DYNC1LI2: variants seen among roughly 807,000 people sequenced by gnomAD.
DYNC1LI2 encodes the protein dynein cytoplasmic 1 light intermediate chain 2.
DYNC1LI2 carries 19 observed loss-of-function variants against 57.8 expected under a neutral mutation model. The observed-to-expected ratio is 0.33, with a 90% CI of 0.23 to 0.48. The LOEUF is 0.48. Among genes scored for constraint, DYNC1LI2 ranks in the 20% least tolerant of loss-of-function variants. DYNC1LI2 has a pLI of 0.99. For synonymous variants in DYNC1LI2, 256 were observed against 233.4 expected, an observed-to-expected ratio of 1.10 and a Z score of -0.88; for missense variants, 470 against 604.2, an observed-to-expected ratio of 0.78 and a Z score of 2.33.
At chr16:66,728,009 C>T (rs1188949708) in intron 10 of DYNC1LI2, 192 bp downstream of exon 10, 5 of 899,630 alleles carry the variant, frequency 5.6e-6, no homozygotes, top group Non-Finnish European at 6.6e-6. Flanking sequence ...ACTCTAATTC[C>T]CAGAGTTGTA....
intron 3 of DYNC1LI2, among the ~76,000 whole-genome samples, chr16:66,742,951 G>A (rs2017866356): frequency 6.6e-6 from 1 of 152,072 alleles, no homozygotes; most frequent in South Asian, 2.1e-4. Context: ...TTGAGGTCAG[G>A]GGTTCAAGAC....
chr16:66,734,194 C>T, intron 6 of DYNC1LI2, 24 bp downstream of exon 6: 1 of 1,611,512 alleles, frequency 6.2e-7, no homozygotes, highest in Non-Finnish European at 8.5e-7. Context: ...GTGACCCAGG[C>T]CCCACACAGC....
At position 66,723,120 on chromosome 16, in the gene DYNC1LI2, G is replaced by T; in HGVS notation, c.*602C>A. The T allele has an allele frequency of 2.9e-6, 1 of 345,682 alleles. No individual in the cohort carries two copies. Among genetic ancestry groups the T allele is most frequent in the Non-Finnish European group, 5.8e-6 (1 of 173,364 alleles). 21.4% of individuals were successfully genotyped at this position (345,682 alleles called of 1,614,324 possible). On this transcript the variant is annotated 3_prime_UTR_variant, in exon 13 of 13. Transcript: ENST00000258198. ...TAAGTTAAAGATGCATTCAAAATAA[G>T]CCTAATTCCCATTTTGCTTAGTGTT...
intron 8 of DYNC1LI2, 121 bp downstream of exon 8, chr16:66,729,991 G>A (rs1172151875): frequency 7.1e-6 from 5 of 707,948 alleles, no homozygotes; most frequent in South Asian, 2.0e-5. Flanking sequence ...ATGTTCGCCA[G>A]GCTGGTCTCA....
intron 6 of DYNC1LI2, chr16:66,733,185 T>C (rs1466121984): frequency 6.6e-6 from 1 of 152,234 alleles, no homozygotes; most frequent in Non-Finnish European, 1.5e-5. Context: ...TAAAAATATT[T>C]CTAAGACAGT....
chr16:66,743,585 G>A (rs1401870499), intron 3 of DYNC1LI2, among the ~76,000 whole-genome samples: 2 of 145,910 alleles, frequency 1.4e-5, no homozygotes, highest in Non-Finnish European at 3.0e-5. Context: ...AAAAAAAAGG[G>A]TGAGAGTCTC....
intron 2 of DYNC1LI2, among the ~76,000 whole-genome samples, chr16:66,749,925 C>G (rs1049883221): frequency 6.6e-6 from 1 of 152,160 alleles, no homozygotes; most frequent in Non-Finnish European, 1.5e-5. Flanking sequence ...CCAAACAACA[C>G]CCCCCTTCCC....
chr16:66,732,266 G>T (rs1168243255), intron 7 of DYNC1LI2, 73 bp downstream of exon 7: 6 of 1,556,932 alleles, frequency 3.9e-6, no homozygotes, highest in African/African-American at 2.7e-5. Context: ...CACCTTCCTT[G>T]AAGGGGTAAA....
In DYNC1LI2 at chr16:66,730,149, G is replaced by A; in HGVS notation, c.1004C>T (p.Ala335Val). The A allele has an allele frequency of 6.2e-7, 1 of 1,614,054 alleles. No homozygotes were observed. The highest frequency in any genetic ancestry group is 8.5e-7 in the Non-Finnish European group (1 of 1,180,012). Residue 335 changes from alanine to valine, a missense_variant, in exon 8 of 13, where the codon GCA becomes GTA. By Grantham distance (64) the Ala-to-Val change is moderately conservative. Coordinates refer to ENST00000258198, the MANE Select transcript of DYNC1LI2 (RefSeq NM_006141.3). The part of the protein sequence containing the change: ...ENFTTVKPED[A>V]YEDFIVKPPV... ...AGGTTTCACAATAAAGTCTTCATATGCATCTTCCGGCTTCACGGTTGTAAA... is the reference window on the plus strand; with the variant it reads ...AGGTTTCACAATAAAGTCTTCATATACATCTTCCGGCTTCACGGTTGTAAA...
At chr16:66,742,034 T>C (rs946380453) in intron 4 of DYNC1LI2, among the ~76,000 whole-genome samples, 1 of 151,926 alleles carries the variant, frequency 6.6e-6, no homozygotes, top group Non-Finnish European at 1.5e-5. Context: ...CGAGGGTCCA[T>C]AGGGCCTTAA....
intron 3 of DYNC1LI2, among the ~76,000 whole-genome samples, chr16:66,744,725 A>C (rs1220287127): frequency 1.3e-5 from 2 of 151,978 alleles, no homozygotes; most frequent in Admixed American, 1.3e-4. Context: ...ACGCCTGGCT[A>C]ATTTTTGTAT....
chr16:66,747,340 T>C (rs1228846631), intron 3 of DYNC1LI2, among the ~76,000 whole-genome samples: 2 of 151,788 alleles, frequency 1.3e-5, no homozygotes, highest in Non-Finnish European at 2.9e-5. Flanking sequence ...ACTCCCAAAA[T>C]GCTGGGATTA....
intron 4 of DYNC1LI2, among the ~76,000 whole-genome samples, chr16:66,741,596 G>A (rs1256729698): frequency 6.6e-6 from 1 of 151,904 alleles, no homozygotes; most frequent in Non-Finnish European, 1.5e-5. Flanking sequence ...TGCCCGAGAA[G>A]CCCTCATTAA....
Position 66,723,516 on chromosome 16 carries a change from A to G in DYNC1LI2, c.*206T>C, listed in dbSNP as rs566718013. 9.2e-6 allele frequency: 6 copies of G among 649,930 alleles called. No homozygotes were observed. Among genetic ancestry groups the G allele is most frequent in the South Asian group, 9.1e-5 (6 of 66,028 alleles). The allele number at this position is 649,930 out of a possible 1,614,324, so 40.3% of individuals were successfully genotyped here. ...CCACATGCCCCAGAGTCCAAGGGTT[A>G]TCCTTAACAAAGGGTCTGACATGTA... On this transcript the variant is annotated 3_prime_UTR_variant, in exon 13 of 13. Coordinates refer to ENST00000258198, the MANE Select transcript of DYNC1LI2 (RefSeq NM_006141.3).
chr16:66,736,267 A>C (rs933680557), intron 4 of DYNC1LI2, 23 bp from the exon 5 acceptor site: 1 of 1,607,678 alleles, frequency 6.2e-7, no homozygotes, highest in African/African-American at 1.3e-5. Context: ...GAGGAAAAAA[A>C]ATCACATGCA....
chr16:66,736,016 T>A (rs1483763658), intron 5 of DYNC1LI2, 59 bp downstream of exon 5: 1 of 1,561,418 alleles, frequency 6.4e-7, no homozygotes, highest in African/African-American at 1.4e-5. Context: ...TCTCAAACTT[T>A]CAGATGGTGA....
intron 7 of DYNC1LI2, 129 bp downstream of exon 7, chr16:66,732,210 A>G: frequency 8.6e-7 from 1 of 1,168,660 alleles, no homozygotes; most frequent in Middle Eastern, 3.0e-4. Flanking sequence ...AGGAACAGAG[A>G]GAAGGTGCAG....
At chr16:66,729,934 A>G (rs1220426986) in intron 8 of DYNC1LI2, among the ~76,000 whole-genome samples, 178 bp downstream of exon 8, 2 of 152,020 alleles carry the variant, frequency 1.3e-5, no homozygotes, top group Non-Finnish European at 2.9e-5. Context: ...GGCGCTTGCC[A>G]CCATACCCAG....
Position 66,723,538 on chromosome 16 carries a change from T to C in DYNC1LI2, c.*184A>G. Reference sequence around the variant, plus strand: ...GTTATCCTTAACAAAGGGTCTGACATGTAACCTTCCTAAATGTGCATTTCA... The same window carrying C: ...GTTATCCTTAACAAAGGGTCTGACACGTAACCTTCCTAAATGTGCATTTCA... On this transcript the variant is annotated 3_prime_UTR_variant, in exon 13 of 13. Coordinates refer to ENST00000258198, the MANE Select transcript of DYNC1LI2 (RefSeq NM_006141.3). 3.0e-6 allele frequency: 2 copies of C among 674,126 alleles called. No homozygotes were observed. The highest frequency in any genetic ancestry group is 1.5e-5 in the South Asian group (1 of 64,630). The allele number at this position is 674,126 out of a possible 1,614,324, so 41.8% of individuals were successfully genotyped here. A position where few individuals can be genotyped will look rare whatever the true frequency, so the allele number is the denominator to read the frequency against.
Sources: allele counts gnomAD v4.1 joint callset (sites outside exome capture counted in the v4.1 genomes callset), GRCh38; gene constraint gnomAD v4.1.1; transcripts MANE v1.5; gene names NCBI Gene and HGNC (gene_info 2026-07-23, HGNC 2026-07-21).